Variants in IMPA2 observed in about 807,000 individuals in gnomAD.
IMPA2 encodes the protein IMP 2.
In IMPA2, 32 loss-of-function variants were observed where a neutral mutation model predicts 35.1. The ratio of observed to expected loss-of-function variants is 0.91; its 90% CI spans 0.69 to 1.23. IMPA2 has a LOEUF of 1.23. Ranked by LOEUF, IMPA2 falls within the 50% of genes most tolerant of loss-of-function variation. The probability of loss-of-function intolerance (pLI) is 0.00; values close to 1 mark genes in which losing one functional copy is unlikely to be tolerated. For missense variants in IMPA2, 334 were observed against 387.6 expected (o/e 0.86, Z 1.16); for synonymous variants, 135 against 160.6 (o/e 0.84, Z 1.20).
chr18:12,030,263 C>A, intron 7 of IMPA2, 80 bp from the exon 8 acceptor site: 2 of 992,858 alleles, frequency 2.0e-6, no homozygotes, highest in Non-Finnish European at 3.2e-6. Context: ...GTGCTGTGTG[C>A]ATGTGGGATA....
intron 5 of IMPA2, among the ~76,000 whole-genome samples, chr18:12,014,768 C>T (rs534279759): frequency 6.6e-6 from 1 of 152,246 alleles, no homozygotes; most frequent in South Asian, 2.1e-4. Context: ...CAGTCTGTGG[C>T]CCCTGAGTGT....
At chr18:12,025,240 T>C (rs1368522524) in intron 5 of IMPA2, among the ~76,000 whole-genome samples, 3 of 152,266 alleles carry the variant, frequency 2.0e-5, no homozygotes, top group Non-Finnish European at 4.4e-5. Flanking sequence ...AATATTCCAC[T>C]GTCTGGATGT....
At chr18:12,007,209 G>A (rs3786287) in intron 2 of IMPA2, among the ~76,000 whole-genome samples, 21,774 of 146,612 alleles carry the variant, frequency 0.15, 1,788 homozygotes, top group African/African-American at 0.22. Flanking sequence ...CACTGCCAGC[G>A]GCTCTGTCTG....
chr18:11,992,003 C>A (rs930301638), intron 1 of IMPA2, among the ~76,000 whole-genome samples: 2 of 152,158 alleles, frequency 1.3e-5, no homozygotes, highest in African/African-American at 4.8e-5. Context: ...GCCAGCACAC[C>A]CACCTAATTT....
chr18:12,015,916 G>A (rs12457749), intron 5 of IMPA2, among the ~76,000 whole-genome samples: 12,333 of 152,134 alleles, frequency 0.081, 681 homozygotes, highest in Admixed American at 0.16. Context: ...CTGCCCGCCC[G>A]TGTAGCTCAG....
Position 12,025,850 on chromosome 18 carries a change from G to A in IMPA2, c.491-2193G>A, listed in dbSNP as rs192579384. Among the ~76,000 whole-genome samples, 14 of 152,180 alleles carry A rather than the reference G, an allele frequency of 9.2e-5. No homozygotes were observed. The East Asian group carries it at 9.7e-4, about 11-fold the overall frequency. ...CTCCCAAAGTGCTGGGATTACAGGC[G>A]TAAGCCATGCTCCTGGCTTTGTCTC... is the stretch of plus-strand genomic sequence containing the variant. On this transcript the variant is annotated intron_variant, in intron 5 of 7. Transcript: ENST00000269159.
At chr18:11,992,437 T>C (rs1906843161) in intron 1 of IMPA2, among the ~76,000 whole-genome samples, 1 of 152,020 alleles carries the variant, frequency 6.6e-6, no homozygotes, top group African/African-American at 2.4e-5. Flanking sequence ...GGCATAAAGG[T>C]CGGATGGGGA....
chr18:12,009,816 A>G, intron 2 of IMPA2, 67 bp from the exon 3 acceptor site: 1 of 1,217,746 alleles, frequency 8.2e-7, no homozygotes, highest in Non-Finnish European at 1.2e-6. Context: ...ATGGGACTGG[A>G]AGCAATTTCA....
intron 6 of IMPA2, 145 bp from the exon 7 acceptor site, chr18:12,028,697 C>G: frequency 1.1e-6 from 1 of 950,986 alleles, no homozygotes; most frequent in Admixed American, 2.3e-5. Flanking sequence ...GCCCTATATT[C>G]AGCCTCCAGA....
chr18:12,022,029 T>C (rs1043657413), intron 5 of IMPA2, among the ~76,000 whole-genome samples: 3 of 152,218 alleles, frequency 2.0e-5, no homozygotes, highest in Non-Finnish European at 4.4e-5. Context: ...ATATTTTTAT[T>C]GTAGTAAAAT....
intron 1 of IMPA2, among the ~76,000 whole-genome samples, chr18:11,982,244 G>T (rs1906524052): frequency 6.6e-6 from 1 of 152,212 alleles, no homozygotes; most frequent in South Asian, 2.1e-4. Flanking sequence ...CTCCGCGACG[G>T]CCACGGACTC....
Position 12,010,066 on chromosome 18 carries a change from A to AT in IMPA2, c.335+85dup. On this transcript the variant is annotated intron_variant, in intron 3 of 7. Transcript: ENST00000269159. The surrounding 1 kb of genome is among the most constrained non-coding windows in gnomAD (Gnocchi z 4.8). Reference sequence around the variant, plus strand: ...GAGGTTTTGTCTTTTCAAAAGCAGCATTTTTTAAGGCAGGAATATATAAAC... The same window carrying AT: ...GAGGTTTTGTCTTTTCAAAAGCAGCATTTTTTTAAGGCAGGAATATATAAAC... 9.4e-7 allele frequency: 1 copy of AT among 1,061,310 alleles called. No homozygotes were observed. The highest frequency in any genetic ancestry group is 1.8e-5 in the Admixed American group (1 of 56,588). The allele number at this position is 1,061,310 out of a possible 1,614,324, so 65.7% of individuals were successfully genotyped here. A position where few individuals can be genotyped will look rare whatever the true frequency, so the allele number is the denominator to read the frequency against.
At chr18:11,999,646 A>G (rs1012757138) in intron 2 of IMPA2, among the ~76,000 whole-genome samples, 1 of 152,216 alleles carries the variant, frequency 6.6e-6, no homozygotes, top group Non-Finnish European at 1.5e-5. Context: ...CCCCCGGCCC[A>G]CCACTAGTGC....
intron 2 of IMPA2, among the ~76,000 whole-genome samples, chr18:11,999,639 C>G (rs2143790938): frequency 6.6e-6 from 1 of 152,338 alleles, no homozygotes. Flanking sequence ...CGTGGGGCCC[C>G]CGGCCCACCA....
At position 12,030,044 on chromosome 18, in the gene IMPA2, G is replaced by C. The variant is rs576087395; in HGVS notation, c.752-299G>C. On this transcript the variant is annotated intron_variant, in intron 7 of 7. Coordinates refer to ENST00000269159, the MANE Select transcript of IMPA2 (RefSeq NM_014214.3). ...CTCCCCTGTTCGGGTCTAGCCCATT[G>C]CTTGCATTTCTTAGGACTTTTATGT... Among the ~76,000 whole-genome samples the C allele has an allele frequency of 3.3e-5, 5 of 152,330 alleles. No individual in the cohort carries two copies. In the East Asian group the frequency reaches 9.6e-4, roughly 29 times the overall value.
At chr18:12,013,915 G>A (rs960622080) in intron 4 of IMPA2, among the ~76,000 whole-genome samples, 2 of 152,184 alleles carry the variant, frequency 1.3e-5, no homozygotes, top group Non-Finnish European at 2.9e-5. Context: ...AGAGTCACAA[G>A]TAACATTCTT....
intron 7 of IMPA2, 125 bp from the exon 8 acceptor site, chr18:12,030,218 T>C (rs1957393490): frequency 1.3e-5 from 9 of 699,746 alleles, no homozygotes; most frequent in Non-Finnish European, 2.3e-5. Flanking sequence ...AATACGAGTG[T>C]TGGGGCTTGG....
Position 12,028,146 on chromosome 18 carries a change from G to A in IMPA2, c.594G>A (p.Ala198=), listed in dbSNP as rs775579203. The change falls in exon 6 of 8, where the codon GCG becomes GCA. Residue 198 remains alanine, a synonymous_variant. Transcript: ENST00000269159. ...SNMERLLHAK[A]HGVRVIGSST... is the part of the protein sequence containing the mutation. ...TGGAGCGGCTGCTGCATGCCAAGGC[G>A]CATGGGTAGGAGGTTCAGTTCGGGG... 116 of 1,605,780 alleles carry A rather than the reference G, an allele frequency of 7.2e-5. No individual in the cohort carries two copies. Among genetic ancestry groups the A allele is most frequent in the Non-Finnish European group, 9.0e-5 (105 of 1,172,556 alleles).
At chr18:12,011,699 C>G (rs1412394384) in intron 3 of IMPA2, among the ~76,000 whole-genome samples, 1 of 152,254 alleles carries the variant, frequency 6.6e-6, no homozygotes, top group African/African-American at 2.4e-5. Context: ...CTGCAGCTGG[C>G]TACTGGGCAC....
Sources: gnomAD v4.1 joint callset for allele counts (sites outside exome capture counted in the v4.1 genomes callset) on GRCh38, gnomAD v4.1.1 for gene constraint, Gnocchi (gnomAD v3.1) non-coding constraint, MANE v1.5 for transcripts, NCBI Gene and HGNC (gene_info 2026-07-23, HGNC 2026-07-21) for gene names.